The following RIMBP2 variants were observed in gnomAD, a reference collection of about 807,000 sequenced individuals.
RIMBP2 encodes the protein RIMS binding protein 2.
In RIMBP2, 48 loss-of-function variants were observed where a neutral mutation model predicts 118.6. The observed-to-expected ratio is 0.40, with a 90% CI of 0.32 to 0.51. RIMBP2 has a LOEUF of 0.51. Ranked by LOEUF, RIMBP2 falls within the 20% of genes least tolerant of loss-of-function variation. The pLI, the probability that RIMBP2 is intolerant of heterozygous loss-of-function variation, is 0.41. For synonymous variants in RIMBP2, 762 were observed against 742.9 expected, an observed-to-expected ratio of 1.03 and a Z score of -0.42; for missense variants, 1,551 against 1,768.3, an observed-to-expected ratio of 0.88 and a Z score of 2.20.
At position 130,623,099 on chromosome 12, in the gene RIMBP2, T is replaced by C. The variant is rs949920519; in HGVS notation, c.-217+5223A>G. On this transcript the variant is annotated intron_variant, in intron 2 of 22. Coordinates refer to ENST00000690449, the MANE Select transcript of RIMBP2 (RefSeq NM_001393629.1). The surrounding 1 kb of genome is among the most constrained non-coding windows in gnomAD (Gnocchi z 4.1). ...CAGGTTGCTGGGCTACTTACACAAA[T>C]ACATATAAAACGAAGGTCAACTGAA... Among the ~76,000 whole-genome samples the C allele has an allele frequency of 2.0e-5, 3 of 152,162 alleles. No individual in the cohort carries two copies. Among genetic ancestry groups the C allele is most frequent in the Non-Finnish European group, 4.4e-5 (3 of 68,038 alleles).
intron 12 of RIMBP2, among the ~76,000 whole-genome samples, 187 bp downstream of exon 12, chr12:130,438,178 G>T (rs773406637): frequency 9.9e-5 from 15 of 152,168 alleles, no homozygotes; most frequent in African/African-American, 1.4e-4. Context: ...GGAGCGAGAT[G>T]GGGGGAGTGC....
chr12:130,490,549 T>C (rs2048543859), intron 4 of RIMBP2, among the ~76,000 whole-genome samples: 1 of 152,040 alleles, frequency 6.6e-6, no homozygotes, highest in Non-Finnish European at 1.5e-5. Flanking sequence ...TACAGGGAGA[T>C]GGGGGTGAAG....
rs151149173 is a variant in RIMBP2 at position 130,428,310 on chromosome 12, G to A, written c.2281C>T (p.His761Tyr). Residue 761 changes from histidine (H) to tyrosine (Y), a missense_variant, in exon 15 of 23, where the codon CAC (histidine) becomes TAC (tyrosine). Around this residue, in one of 5 missense-constraint regions of RIMBP2, gnomAD observed 1,038 missense variants for 1,125.1 expected, o/e 0.92. Transcript: ENST00000690449. Reference protein sequence around the residue: ...QPHCCHGDEYHTESSRGSDLS... With the variant: ...QPHCCHGDEYYTESSRGSDLS... ...TCAGACCCCCGGCTGCTCTCTGTGTGGTACTCGTCTCCATGGCAACAGTGC... is the reference window on the plus strand; with the variant it reads ...TCAGACCCCCGGCTGCTCTCTGTGTAGTACTCGTCTCCATGGCAACAGTGC... 57 of 1,612,100 alleles carry A rather than the reference G, an allele frequency of 3.5e-5. No individual in the cohort carries two copies. Among genetic ancestry groups the A allele is most frequent in the Middle Eastern group, 1.6e-4 (1 of 6,072 alleles).
At position 130,623,888 on chromosome 12, in the gene RIMBP2, T is replaced by C. The variant is rs1486284775; in HGVS notation, c.-217+4434A>G. On this transcript the variant is annotated intron_variant, in intron 2 of 22. Coordinates refer to ENST00000690449, the MANE Select transcript of RIMBP2 (RefSeq NM_001393629.1). This position sits in a 1 kb window ranked among gnomAD's most constrained non-coding sequence, Gnocchi z 4.1. ...GTCTCCCAGAGGTTCCACAGCAGGA[T>C]TGAGTCCCCATCACCCACAGTGGCA... Among the ~76,000 whole-genome samples, 1 of 152,188 alleles carries C rather than the reference T, an allele frequency of 6.6e-6. No homozygotes were observed.
intron 19 of RIMBP2, among the ~76,000 whole-genome samples, chr12:130,410,061 C>T (rs2075583885): frequency 6.6e-6 from 1 of 152,250 alleles, no homozygotes; most frequent in Non-Finnish European, 1.5e-5. Context: ...CTGCGACGGC[C>T]AGCCGTTTTA....
intron 2 of RIMBP2, among the ~76,000 whole-genome samples, chr12:130,600,541 T>G: frequency 6.6e-6 from 1 of 150,896 alleles, no homozygotes; most frequent in Admixed American, 6.6e-5. Flanking sequence ...GAACCCCTAC[T>G]CTGGCCAGAA....
In RIMBP2 at chr12:130,475,059, C is replaced by T. The variant is rs1395930015; in HGVS notation, c.102+3853G>A. ...GCAGACAGCGTGGGTCCTGGCTTGG[C>T]TGCCTTTTGCCTTTTTAAACTGTGT... On this transcript the variant is annotated intron_variant, in intron 5 of 22. Transcript: ENST00000690449. This position sits in a 1 kb window ranked among gnomAD's most constrained non-coding sequence, Gnocchi z 4.1. Among the ~76,000 whole-genome samples, 1 of 152,198 alleles carries T rather than the reference C, an allele frequency of 6.6e-6. No homozygotes were observed. The highest frequency in any genetic ancestry group is 1.9e-4 in the East Asian group (1 of 5,188).
At chr12:130,556,587 AC>A (rs1476342451) in intron 2 of RIMBP2, among the ~76,000 whole-genome samples, 6 of 152,222 alleles carry the variant, frequency 3.9e-5, no homozygotes, top group African/African-American at 1.2e-4. Flanking sequence ...GGTGACCCCC[AC>A]ATGGGGAGAC....
chr12:130,604,532 G>T (rs1471839655), intron 2 of RIMBP2, among the ~76,000 whole-genome samples: 1 of 144,424 alleles, frequency 6.9e-6, no homozygotes. Flanking sequence ...AGCAACTTCC[G>T]GGCCTGCAAG....
chr12:130,704,170 G>A (rs1025327022), intron 1 of RIMBP2, among the ~76,000 whole-genome samples: 2 of 152,206 alleles, frequency 1.3e-5, no homozygotes, highest in Non-Finnish European at 2.9e-5. Context: ...AAGTGCAGGA[G>A]GAGGGACGAG....
Position 130,688,730 on chromosome 12 carries a change from C to A in RIMBP2, c.-352+27492G>T, listed in dbSNP as rs181496241. 5.9e-5 allele frequency among the ~76,000 whole-genome samples: 9 copies of A among 152,346 alleles called. No individual in the cohort carries two copies. The highest frequency in any genetic ancestry group is 2.2e-4 in the African/African-American group (9 of 41,590). On this transcript the variant is annotated intron_variant, in intron 1 of 22. Transcript: ENST00000690449. This position sits in a 1 kb window ranked among gnomAD's most constrained non-coding sequence, Gnocchi z 4.7. ...CATTCTAAAGACCCCAAAACAGAGGCCACATGGCCCCCTTGGGGCTCATAC... is the reference window on the plus strand; with the variant it reads ...CATTCTAAAGACCCCAAAACAGAGGACACATGGCCCCCTTGGGGCTCATAC...
intron 6 of RIMBP2, among the ~76,000 whole-genome samples, chr12:130,461,011 C>T (rs1478493884): frequency 6.6e-6 from 1 of 152,188 alleles, no homozygotes; most frequent in Non-Finnish European, 1.5e-5. Context: ...GGTGTTTCTC[C>T]TCCAAGGGGC....
Position 130,703,757 on chromosome 12 carries a change from G to A in RIMBP2, c.-352+12465C>T, listed in dbSNP as rs1159478012. ...AGTATATTGGGAGTGCGTTTGAAAC[G>A]GTGTTTCCTAGGGGAGAAGAAAGGA... On this transcript the variant is annotated intron_variant, in intron 1 of 22. Transcript: ENST00000690449. This position sits in a 1 kb window ranked among gnomAD's most constrained non-coding sequence, Gnocchi z 5.7. Among the ~76,000 whole-genome samples, 1 of 152,170 alleles carries A rather than the reference G, an allele frequency of 6.6e-6. No homozygotes were observed. Among genetic ancestry groups the A allele is most frequent in the Non-Finnish European group, 1.5e-5 (1 of 68,034 alleles).
At chr12:130,630,316 AAATT>A (rs1381127912) in intron 1 of RIMBP2, among the ~76,000 whole-genome samples, 3 of 151,420 alleles carry the variant, frequency 2.0e-5, no homozygotes, top group Non-Finnish European at 4.4e-5. Flanking sequence ...ATTAACATAA[AAATT>A]AATTATAAAA....
Position 130,602,601 on chromosome 12 carries a change from T to C in RIMBP2, c.-217+25721A>G, listed in dbSNP as rs576984101. Among the ~76,000 whole-genome samples the C allele has an allele frequency of 4.6e-5, 7 of 152,338 alleles. No homozygotes were observed. The East Asian group carries it at 5.8e-4, about 13-fold the overall frequency. On this transcript the variant is annotated intron_variant, in intron 2 of 22. Transcript: ENST00000690449. ...TTGTGTGCCATTGGCAGGGCTACCATTGACTTCTTTTGCTTGACTTTTTTG... is the reference window on the plus strand; with the variant it reads ...TTGTGTGCCATTGGCAGGGCTACCACTGACTTCTTTTGCTTGACTTTTTTG...
At chr12:130,483,681 A>C (rs1240800105) in intron 4 of RIMBP2, among the ~76,000 whole-genome samples, 2 of 140,214 alleles carry the variant, frequency 1.4e-5, no homozygotes, top group Non-Finnish European at 3.0e-5. Context: ...CCCCACCTAG[A>C]CACAGTGCCC....
Position 130,683,654 on chromosome 12 carries a change from G to A in RIMBP2, c.-352+32568C>T, listed in dbSNP as rs1442924118. Among the ~76,000 whole-genome samples the A allele has an allele frequency of 1.3e-5, 2 of 152,098 alleles. No individual in the cohort carries two copies. The highest frequency in any genetic ancestry group is 2.9e-5 in the Non-Finnish European group (2 of 68,036). On this transcript the variant is annotated intron_variant, in intron 1 of 22. Coordinates refer to ENST00000690449, the MANE Select transcript of RIMBP2 (RefSeq NM_001393629.1). This position sits in a 1 kb window ranked among gnomAD's most constrained non-coding sequence, Gnocchi z 4.4. Reference sequence around the variant, plus strand: ...TAAAACAGTTGCAGTAAACAAGCCGGCCAAATCCCACCAAAACCAAGATGA... The same window carrying A: ...TAAAACAGTTGCAGTAAACAAGCCGACCAAATCCCACCAAAACCAAGATGA...
chr12:130,485,375 C>T (rs2082387510), intron 4 of RIMBP2, among the ~76,000 whole-genome samples: 1 of 152,214 alleles, frequency 6.6e-6, no homozygotes, highest in African/African-American at 2.4e-5. Flanking sequence ...TGGAACATGG[C>T]CGATGAGAAT....
intron 5 of RIMBP2, among the ~76,000 whole-genome samples, chr12:130,474,533 G>A (rs1416160411): frequency 6.6e-6 from 1 of 152,218 alleles, no homozygotes; most frequent in Non-Finnish European, 1.5e-5. Context: ...ACAGCCACAT[G>A]AGCGAGCAGG....
Sources: gnomAD v4.1 joint callset for allele counts (sites outside exome capture counted in the v4.1 genomes callset) on GRCh38, gnomAD v4.1.1 for gene constraint, gnomAD v4.1.1 regional missense constraint, Gnocchi (gnomAD v3.1) non-coding constraint, MANE v1.5 for transcripts, NCBI Gene and HGNC (gene_info 2026-07-23, HGNC 2026-07-21) for gene names.